The following TAF4B variants were observed in gnomAD, a reference collection of about 807,000 sequenced individuals.
TAF4B encodes transcription initiation factor TFIID subunit 4B.
A neutral mutation model predicts 86.4 loss-of-function variants in TAF4B; 38 were observed. The ratio of observed to expected loss-of-function variants is 0.44; its 90% confidence interval spans 0.34 to 0.58. The LOEUF (loss-of-function observed/expected upper bound fraction) is 0.58. Among genes scored for constraint, TAF4B ranks in the 20% least tolerant of loss-of-function variants. TAF4B has a pLI of 0.02. For synonymous variants in TAF4B, 388 were observed against 391.2 expected (o/e 0.99, Z 0.10); for missense variants, 988 against 1,027.6 (o/e 0.96, Z 0.53).
At position 26,274,681 on chromosome 18, in the gene TAF4B, A is replaced by G. The variant is rs1159869354; in HGVS notation, c.616A>G (p.Ser206Gly). 7 of 1,614,214 alleles carry G rather than the reference A, an allele frequency of 4.3e-6. No individual in the cohort carries two copies. The highest frequency in any genetic ancestry group is 2.2e-5 in the South Asian group (2 of 91,084). The change falls in exon 4 of 15, where the codon AGT becomes GGT. Residue 206 changes from serine to glycine, a missense_variant. Physicochemically the swap from Ser to Gly is moderately conservative, Grantham distance 56. This residue lies in a region of TAF4B where 747 missense variants were observed against 737.9 expected (regional missense o/e 1.01). Coordinates refer to ENST00000269142, the MANE Select transcript of TAF4B (RefSeq NM_005640.3). Reference protein sequence around the residue: ...SSVQSVAVPTSVVTVTPGKPL... With the variant: ...SSVQSVAVPTGVVTVTPGKPL... Reference sequence around the variant, plus strand: ...ATTTCAGTCTGTGGCTGTGCCAACCAGTGTCGTCACAGTTACTCCTGGAAA... The same window carrying G: ...ATTTCAGTCTGTGGCTGTGCCAACCGGTGTCGTCACAGTTACTCCTGGAAA...
At chr18:26,281,868 C>A in intron 5 of TAF4B, 103 bp from the exon 6 acceptor site, 1 of 754,482 alleles carries the variant, frequency 1.3e-6, no homozygotes, top group East Asian at 2.7e-5. Context: ...TTGACTTTAT[C>A]ATTTGTGAAA....
At chr18:26,305,762 T>C (rs1433380266) in intron 9 of TAF4B, among the ~76,000 whole-genome samples, 1 of 152,234 alleles carries the variant, frequency 6.6e-6, no homozygotes, top group Non-Finnish European at 1.5e-5. Context: ...GTAAGTCCTT[T>C]TTCTATATTC....
intron 14 of TAF4B, among the ~76,000 whole-genome samples, chr18:26,366,876 T>C (rs2057375421): frequency 6.6e-6 from 1 of 152,234 alleles, no homozygotes. Flanking sequence ...ACAGTTTAGC[T>C]TTATCAAGCA....
intron 2 of TAF4B, 73 bp downstream of exon 2, chr18:26,265,388 G>A: frequency 7.0e-7 from 1 of 1,430,844 alleles, no homozygotes; most frequent in East Asian, 2.5e-5. Context: ...TTGTGTATAT[G>A]TTTGCTAGTA....
At chr18:26,383,733 A>G (rs1017153719) in intron 14 of TAF4B, among the ~76,000 whole-genome samples, 2 of 152,212 alleles carry the variant, frequency 1.3e-5, no homozygotes, top group African/African-American at 4.8e-5. Flanking sequence ...GTAAAGTACT[A>G]TTGAAACATA....
chr18:26,288,384 C>T (rs929057000), intron 7 of TAF4B, among the ~76,000 whole-genome samples: 1 of 152,208 alleles, frequency 6.6e-6, no homozygotes, highest in African/African-American at 2.4e-5. Context: ...CCTGTAATCT[C>T]AGCACTTTGG....
chr18:26,256,402 G>T, intron 1 of TAF4B: 5 of 1,093,584 alleles, frequency 4.6e-6, no homozygotes, highest in Non-Finnish European at 7.0e-6. Flanking sequence ...CGTTCCACGC[G>T]CAATAACGTC....
Position 26,321,259 on chromosome 18 carries a change from G to T in TAF4B, c.2133+59G>T. ...GAGTGTTATAGGTAGTCTTTTGGGC[G>T]TGGATTGATATTCTAAACACGTTTT... On this transcript the variant is annotated intron_variant, in intron 11 of 14. Transcript: ENST00000269142. 3.2e-6 allele frequency: 5 copies of T among 1,574,754 alleles called. No individual in the cohort carries two copies. The South Asian group carries it at 5.7e-5, about 18-fold the overall frequency.
At chr18:26,389,629 C>T (rs1686660802) in intron 14 of TAF4B, among the ~76,000 whole-genome samples, 1 of 152,176 alleles carries the variant, frequency 6.6e-6, no homozygotes, top group African/African-American at 2.4e-5. Flanking sequence ...TGCCATGCTG[C>T]AGGTGAGCAG....
At chr18:26,357,053 G>C (rs2057293955) in intron 13 of TAF4B, among the ~76,000 whole-genome samples, 1 of 152,128 alleles carries the variant, frequency 6.6e-6, no homozygotes, top group Admixed American at 6.5e-5. Context: ...TTGCAAATGA[G>C]AAAGTGTGAT....
chr18:26,298,315 G>A (rs1302987745), intron 9 of TAF4B, among the ~76,000 whole-genome samples: 4 of 151,784 alleles, frequency 2.6e-5, no homozygotes, highest in East Asian at 1.9e-4. Context: ...TGCAAGCTCC[G>A]CCTCCTGGGT....
At chr18:26,253,703 G>A (rs1250004442) in intron 1 of TAF4B, among the ~76,000 whole-genome samples, 1 of 152,040 alleles carries the variant, frequency 6.6e-6, no homozygotes, top group Non-Finnish European at 1.5e-5. Flanking sequence ...ATCTGGACCT[G>A]CGCTTTTCTT....
At chr18:26,339,049 T>C (rs2057115606) in intron 13 of TAF4B, among the ~76,000 whole-genome samples, 1 of 152,230 alleles carries the variant, frequency 6.6e-6, no homozygotes, top group Non-Finnish European at 1.5e-5. Context: ...ACAGGTTTTC[T>C]GTCTATTTGA....
chr18:26,331,093 A>G (rs2057046851), intron 12 of TAF4B, among the ~76,000 whole-genome samples: 1 of 152,124 alleles, frequency 6.6e-6, no homozygotes, highest in Non-Finnish European at 1.5e-5. Context: ...CTGCTGTCCT[A>G]CAGTCCCAGT....
At chr18:26,356,065 G>A (rs1232564206) in intron 13 of TAF4B, among the ~76,000 whole-genome samples, 1 of 152,110 alleles carries the variant, frequency 6.6e-6, no homozygotes, top group African/African-American at 2.4e-5. Flanking sequence ...CTTAGACTGG[G>A]TAGCTTATAC....
chr18:26,257,374 G>A (rs1043143112), intron 1 of TAF4B, among the ~76,000 whole-genome samples: 1 of 152,120 alleles, frequency 6.6e-6, no homozygotes, highest in South Asian at 2.1e-4. Flanking sequence ...GGCCACTACA[G>A]CTTTCTTGTG....
At chr18:26,271,541 A>T (rs1209362702) in intron 3 of TAF4B, among the ~76,000 whole-genome samples, 5 of 152,160 alleles carry the variant, frequency 3.3e-5, no homozygotes, top group Non-Finnish European at 5.9e-5. Context: ...TGTCCTCAAG[A>T]CATGCCTAGT....
chr18:26,254,622 T>C (rs2056055336), intron 1 of TAF4B, among the ~76,000 whole-genome samples: 1 of 152,214 alleles, frequency 6.6e-6, no homozygotes, highest in Non-Finnish European at 1.5e-5. Context: ...TCCCGAAGAC[T>C]TGCACATTTT....
chr18:26,348,647 A>T (rs1194483264), intron 13 of TAF4B: 2 of 153,110 alleles, frequency 1.3e-5, no homozygotes, highest in South Asian at 4.1e-4. Flanking sequence ...GCCTTTAGTG[A>T]GCATTCAAGC....
Sources: gnomAD v4.1 joint callset for allele counts (sites outside exome capture counted in the v4.1 genomes callset) on GRCh38, gnomAD v4.1.1 for gene constraint, gnomAD v4.1.1 regional missense constraint, MANE v1.5 for transcripts, NCBI Gene and HGNC (gene_info 2026-07-23, HGNC 2026-07-21) for gene names.